GALNT2: variants seen among roughly 807,000 people sequenced by gnomAD.
GALNT2 encodes the protein polypeptide N-acetylgalactosaminyltransferase 2.
Under a neutral mutation model 81.4 loss-of-function variants are expected in GALNT2, and 31 were observed. The observed-to-expected ratio is 0.38, with a 90% CI of 0.29 to 0.51. GALNT2 has a LOEUF of 0.51. GALNT2 is among the 20% of genes least tolerant of loss of function. The pLI, the probability that GALNT2 is intolerant of heterozygous loss-of-function variation, is 0.87. For synonymous variants in GALNT2, 303 were observed against 287.4 expected (o/e 1.05, Z -0.55); for missense variants, 629 against 765.7 (o/e 0.82, Z 2.11).
At chr1:230,246,457 C>T (rs1458134173) in intron 8 of GALNT2, among the ~76,000 whole-genome samples, 3 of 152,186 alleles carry the variant, frequency 2.0e-5, no homozygotes, top group African/African-American at 7.2e-5. Context: ...ATGAAGCCCT[C>T]CTTGCAGGAA....
chr1:230,071,020 C>T (rs1659354495), intron 1 of GALNT2, among the ~76,000 whole-genome samples: 1 of 152,140 alleles, frequency 6.6e-6, no homozygotes, highest in Non-Finnish European at 1.5e-5. Flanking sequence ...AGTAATCATT[C>T]TTACCTCATG....
intron 3 of GALNT2, among the ~76,000 whole-genome samples, chr1:230,232,470 A>G (rs1442816241): frequency 2.0e-5 from 3 of 152,208 alleles, no homozygotes; most frequent in Non-Finnish European, 4.4e-5. Context: ...AGAATAGGAC[A>G]TGATTGGATC....
intron 1 of GALNT2, among the ~76,000 whole-genome samples, chr1:230,073,731 A>C (rs1659444211): frequency 6.6e-6 from 1 of 152,218 alleles, no homozygotes; most frequent in Non-Finnish European, 1.5e-5. Flanking sequence ...GGGCTGTCAC[A>C]AAGAAGCAGT....
chr1:230,188,204 G>A (rs1319929226), intron 2 of GALNT2, among the ~76,000 whole-genome samples: 1 of 152,160 alleles, frequency 6.6e-6, no homozygotes, highest in Non-Finnish European at 1.5e-5. Flanking sequence ...GTCTTATGTG[G>A]CCCCACTTTG....
At chr1:230,069,799 GTT>G (rs10708608) in intron 1 of GALNT2, among the ~76,000 whole-genome samples, 1 of 152,116 alleles carries the variant, frequency 6.6e-6, no homozygotes, top group African/African-American at 2.4e-5. Flanking sequence ...GCTAGCTATA[GTT>G]TTTTTAGAGA....
chr1:230,260,156 AT>A (rs1300328295), intron 11 of GALNT2, among the ~76,000 whole-genome samples: 1 of 152,234 alleles, frequency 6.6e-6, no homozygotes, highest in Non-Finnish European at 1.5e-5. Flanking sequence ...TGGATTAGGG[AT>A]GCCCAACTTG....
Position 230,279,330 on chromosome 1 carries a change from A to C in GALNT2, c.1588A>C (p.Lys530Gln). 1 of 1,614,158 alleles carries C rather than the reference A, an allele frequency of 6.2e-7. No homozygotes were observed. Among genetic ancestry groups the C allele is most frequent in the Non-Finnish European group, 8.5e-7 (1 of 1,180,030 alleles). ...ATGGGAACAGATCGAGGGCAACTCC[A>C]AGCTGAGGCACGTGGGCAGCAACCT... is the stretch of plus-strand genomic sequence containing the variant. ...QKWEQIEGNS[K>Q]LRHVGSNLCL... is the part of the protein sequence containing the mutation. Residue 530 changes from lysine (K) to glutamine (Q), a missense_variant, in exon 16 of 16, where the codon AAG (lysine) becomes CAG (glutamine). Physicochemically the swap from Lys to Gln is moderately conservative, Grantham distance 53. Coordinates refer to ENST00000366672, the MANE Select transcript of GALNT2 (RefSeq NM_004481.5). The surrounding 1 kb of genome is among the most constrained non-coding windows in gnomAD (Gnocchi z 4.6).
In GALNT2 at chr1:230,083,215, G is replaced by GCT. The variant is rs770620928; in HGVS notation, c.126+15809_126+15810insCT. On this transcript the variant is annotated intron_variant, in intron 1 of 15. Coordinates refer to ENST00000366672, the MANE Select transcript of GALNT2 (RefSeq NM_004481.5). ...GGGAGCCAGGATGATGGAGCGGGGGGGCCAGGATGATGGAGCGGGGAGCTG... is the reference window on the plus strand; with the variant it reads ...GGGAGCCAGGATGATGGAGCGGGGGGCTGCCAGGATGATGGAGCGGGGAGCTG... 4.8e-3 allele frequency among the ~76,000 whole-genome samples: 684 copies of GCT among 143,950 alleles called. 3 individuals are homozygous for GCT. The highest frequency in any genetic ancestry group is 7.7e-3 in the Non-Finnish European group (508 of 65,648). 94.4% of individuals were successfully genotyped at this position (143,950 alleles called of 152,430 possible). A position where few individuals can be genotyped will look rare whatever the true frequency, so the allele number is the denominator to read the frequency against.
chr1:230,110,289 A>G (rs1275471187), intron 1 of GALNT2, among the ~76,000 whole-genome samples: 1 of 152,216 alleles, frequency 6.6e-6, no homozygotes, highest in Admixed American at 6.5e-5. Context: ...TAGGGGGACC[A>G]AAAGGATCTC....
chr1:230,259,246 T>G (rs1665806480), intron 11 of GALNT2, among the ~76,000 whole-genome samples: 1 of 152,258 alleles, frequency 6.6e-6, no homozygotes, highest in South Asian at 2.1e-4. Context: ...ATGGAATATT[T>G]ATATGTACTA....
intron 1 of GALNT2, among the ~76,000 whole-genome samples, chr1:230,094,054 T>G (rs931539518): frequency 1.3e-5 from 2 of 152,190 alleles, no homozygotes; most frequent in African/African-American, 4.8e-5. Flanking sequence ...CAGGCTGGAA[T>G]GCAGTGGCAC....
chr1:230,225,500 A>T (rs1319371738), intron 3 of GALNT2, among the ~76,000 whole-genome samples: 3 of 152,048 alleles, frequency 2.0e-5, no homozygotes, highest in Non-Finnish European at 4.4e-5. Context: ...CAGCCTGGTC[A>T]TGTTGGGCCT....
intron 1 of GALNT2, 102 bp downstream of exon 1, chr1:230,067,508 G>A: frequency 5.1e-6 from 2 of 392,648 alleles, no homozygotes; most frequent in South Asian, 1.2e-4. Context: ...CCTCCGCCCG[G>A]ACCTCCGCTC....
At chr1:230,128,627 G>A (rs1045833998) in intron 1 of GALNT2, among the ~76,000 whole-genome samples, 1 of 147,004 alleles carries the variant, frequency 6.8e-6, no homozygotes, top group African/African-American at 2.7e-5. Context: ...TGGCGGGGGC[G>A]GGGGTGGTTG....
intron 1 of GALNT2, among the ~76,000 whole-genome samples, chr1:230,174,481 A>G (rs1662894712): frequency 6.7e-6 from 1 of 148,956 alleles, no homozygotes; most frequent in South Asian, 2.1e-4. Flanking sequence ...ACTCCTCTAT[A>G]TTTCCTAGCA....
intron 14 of GALNT2, among the ~76,000 whole-genome samples, chr1:230,267,109 C>A (rs1666058428): frequency 1.3e-5 from 2 of 152,204 alleles, no homozygotes; most frequent in Non-Finnish European, 2.9e-5. Flanking sequence ...GCACATGCAC[C>A]TAGACTCATG....
At chr1:230,136,089 G>T (rs1425611545) in intron 1 of GALNT2, among the ~76,000 whole-genome samples, 9 of 152,202 alleles carry the variant, frequency 5.9e-5, no homozygotes, top group African/African-American at 2.2e-4. Flanking sequence ...TGAGCTGCAT[G>T]TGTAAGCCCT....
chr1:230,135,470 T>G (rs1317904018), intron 1 of GALNT2, among the ~76,000 whole-genome samples: 1 of 152,234 alleles, frequency 6.6e-6, no homozygotes, highest in Non-Finnish European at 1.5e-5. Flanking sequence ...TTTACTTTTC[T>G]TTCGGTGAAT....
chr1:230,169,259 G>A (rs1310665621), intron 1 of GALNT2, among the ~76,000 whole-genome samples: 3 of 152,204 alleles, frequency 2.0e-5, no homozygotes, highest in Admixed American at 1.3e-4. Flanking sequence ...TGTTCTTAAT[G>A]ATGGGACTTA....
Sources: gnomAD v4.1 joint callset for allele counts (sites outside exome capture counted in the v4.1 genomes callset) on GRCh38, gnomAD v4.1.1 for gene constraint, Gnocchi (gnomAD v3.1) non-coding constraint, MANE v1.5 for transcripts, NCBI Gene and HGNC (gene_info 2026-07-23, HGNC 2026-07-21) for gene names.